The following MICU1 variants were observed in gnomAD, a reference collection of about 807,000 sequenced individuals.
MICU1 encodes calcium uptake protein 1, mitochondrial.
MICU1 carries 45 observed loss-of-function variants against 56.8 expected under a neutral mutation model. The ratio of observed to expected loss-of-function variants is 0.79; its 90% CI spans 0.62 to 1.02. The LOEUF (loss-of-function observed/expected upper bound fraction) is 1.02, where lower values mean the gene tolerates loss of function less well. Among genes scored for constraint, MICU1 ranks in the 50% least tolerant of loss-of-function variants. The pLI, the probability that MICU1 is intolerant of heterozygous loss-of-function variation, is 0.00. For missense variants in MICU1, 504 were observed against 587.1 expected, an observed-to-expected ratio of 0.86 and a Z score of 1.46; for synonymous variants, 186 against 195.1, an observed-to-expected ratio of 0.95 and a Z score of 0.39.
chr10:72,537,705 C>T (rs1208398744), intron 4 of MICU1, among the ~76,000 whole-genome samples: 1 of 142,910 alleles, frequency 7.0e-6, no homozygotes, highest in Non-Finnish European at 1.6e-5. Context: ...TGCCTCTTTT[C>T]TTGAATCCAC....
intron 4 of MICU1, among the ~76,000 whole-genome samples, chr10:72,540,267 CAAA>C (rs11287541): frequency 5.9e-5 from 5 of 85,448 alleles, no homozygotes; most frequent in Admixed American, 2.6e-4. Flanking sequence ...AACTCCATCT[CAAA>C]AAAAAAAAAA....
intron 8 of MICU1, among the ~76,000 whole-genome samples, chr10:72,427,692 G>A (rs1406746913): frequency 6.7e-6 from 1 of 149,892 alleles, no homozygotes; most frequent in Non-Finnish European, 1.5e-5. Context: ...TTGAGCCCAG[G>A]AGTTCAAGAC....
intron 8 of MICU1, among the ~76,000 whole-genome samples, chr10:72,471,493 G>A (rs769425524): frequency 3.9e-5 from 6 of 152,202 alleles, no homozygotes; most frequent in Non-Finnish European, 7.3e-5. Flanking sequence ...AGGAACAAGT[G>A]TTGGTTTAGA....
intron 9 of MICU1, among the ~76,000 whole-genome samples, chr10:72,419,495 C>T (rs1354119694): frequency 1.3e-5 from 2 of 152,220 alleles, no homozygotes; most frequent in African/African-American, 4.8e-5. Flanking sequence ...TTGCAGCCCA[C>T]AGCCTGGTTC....
At chr10:72,515,716 A>G (rs1016661105) in intron 5 of MICU1, among the ~76,000 whole-genome samples, 3 of 152,234 alleles carry the variant, frequency 2.0e-5, no homozygotes, top group African/African-American at 7.2e-5. Flanking sequence ...TGTCATCTAG[A>G]GTCCAACATT....
chr10:72,435,880 G>A (rs868846940), intron 8 of MICU1, among the ~76,000 whole-genome samples: 3 of 152,264 alleles, frequency 2.0e-5, no homozygotes, highest in African/African-American at 4.8e-5. Context: ...TAAACAAAGC[G>A]GTCGGGAAGC....
intron 9 of MICU1, among the ~76,000 whole-genome samples, chr10:72,418,198 G>A (rs997579542): frequency 6.6e-6 from 1 of 152,146 alleles, no homozygotes; most frequent in African/African-American, 2.4e-5. Flanking sequence ...AATTCAACAT[G>A]AGATCTGGGT....
intron 9 of MICU1, among the ~76,000 whole-genome samples, chr10:72,414,877 A>G (rs1863932243): frequency 6.6e-6 from 1 of 152,154 alleles, no homozygotes; most frequent in African/African-American, 2.4e-5. Flanking sequence ...CAGTCACAGC[A>G]AATCCGTCTA....
At chr10:72,573,071 AT>A (rs1840649967) in intron 1 of MICU1, among the ~76,000 whole-genome samples, 3 of 152,096 alleles carry the variant, frequency 2.0e-5, no homozygotes, top group Admixed American at 6.6e-5. Flanking sequence ...ACCAAGAGAG[AT>A]TGGTTAAAGT....
intron 11 of MICU1, among the ~76,000 whole-genome samples, chr10:72,375,555 A>G (rs1862488733): frequency 6.6e-6 from 1 of 152,240 alleles, no homozygotes; most frequent in Admixed American, 6.5e-5. Context: ...TTAGGCCTAT[A>G]GGCATATTGG....
intron 9 of MICU1, among the ~76,000 whole-genome samples, chr10:72,421,013 A>AT (rs1554865328): frequency 3.9e-4 from 52 of 135,042 alleles, no homozygotes; most frequent in African/African-American, 1.0e-3. Flanking sequence ...AAAAAAAAAA[A>AT]AAAAATAATA....
intron 8 of MICU1, chr10:72,473,270 G>C (rs1866003980): frequency 6.7e-6 from 1 of 148,776 alleles, no homozygotes; most frequent in Non-Finnish European, 1.5e-5. Flanking sequence ...TGGTCATAGT[G>C]GTGGTGGGTT....
chr10:72,591,702 T>C (rs918229407), intron 1 of MICU1, among the ~76,000 whole-genome samples: 2 of 152,076 alleles, frequency 1.3e-5, no homozygotes, highest in African/African-American at 4.8e-5. Flanking sequence ...GGGTCTCTAA[T>C]TAGTAGATTA....
At chr10:72,508,972 C>T (rs1052206367) in intron 5 of MICU1, among the ~76,000 whole-genome samples, 1 of 152,124 alleles carries the variant, frequency 6.6e-6, no homozygotes, top group African/African-American at 2.4e-5. Context: ...ATATATTTCT[C>T]TTCTTTAATC....
At position 72,508,169 on chromosome 10, in the gene MICU1, G is replaced by A. The variant is rs1299219555; in HGVS notation, c.638C>T (p.Thr213Ile). Residue 213 changes from threonine (T) to isoleucine (I), a missense_variant, in exon 6 of 12, where the codon ACA becomes ATA. By Grantham distance (89) the Thr-to-Ile change is moderately conservative. Coordinates refer to ENST00000361114, the MANE Select transcript of MICU1 (RefSeq NM_001195518.2). ...TTTATACTTACTGGAAAGAACAGTT[G>A]TGAGGAAAATGTAGTCTGAAAAGGA... Reference protein sequence around the residue: ...LISFSDYIFLTTVLSTPQRNF... With the variant: ...LISFSDYIFLITVLSTPQRNF... The A allele has an allele frequency of 3.9e-6, 6 of 1,521,066 alleles. No homozygotes were observed. In the African/African-American group the frequency reaches 8.1e-5, roughly 21 times the overall value. 94.2% of individuals were successfully genotyped at this position (1,521,066 alleles called of 1,614,324 possible).
intron 1 of MICU1, among the ~76,000 whole-genome samples, chr10:72,569,237 A>ATATATATTT: frequency 1.2e-4 from 4 of 34,378 alleles, no homozygotes; most frequent in East Asian, 6.9e-4. Context: ...ATATATATAT[A>ATATATATTT]TTTTTTTTTT....
chr10:72,509,269 T>C (rs1867361872), intron 5 of MICU1: 1 of 689,292 alleles, frequency 1.5e-6, no homozygotes, highest in African/African-American at 1.9e-5. Flanking sequence ...ACAATCAAAG[T>C]AATAATGTCA....
In MICU1 at chr10:72,368,190, TG is replaced by T. The variant is rs748711732; in HGVS notation, c.*4del. 4.3e-6 allele frequency: 7 copies of T among 1,609,826 alleles called. No individual in the cohort carries two copies. In the Admixed American group the frequency reaches 8.4e-5, roughly 19 times the overall value. On this transcript the variant is annotated 3_prime_UTR_variant, in exon 12 of 12. Transcript: ENST00000361114. ...GGTGGAGGGGTCCCCTCTTGCAGTG[TG>T]GGGTTACTGTTTGGGTAAAGCGAAG...
Position 72,566,615 on chromosome 10 carries a change from T to C in MICU1, c.161+18A>G, listed in dbSNP as rs1332102361. On this transcript the variant is annotated intron_variant, in intron 2 of 11. Coordinates refer to ENST00000361114, the MANE Select transcript of MICU1 (RefSeq NM_001195518.2). ...AATAAAAGTATACGCAAGAACAAGA[T>C]GGTTGGATAACACTCACCTCTTCCA... 2.5e-6 allele frequency: 4 copies of C among 1,605,802 alleles called. No homozygotes were observed. Among genetic ancestry groups the C allele is most frequent in the Admixed American group, 1.7e-5 (1 of 58,458 alleles).
Sources: gnomAD v4.1 joint callset for allele counts (sites outside exome capture counted in the v4.1 genomes callset) on GRCh38, gnomAD v4.1.1 for gene constraint, MANE v1.5 for transcripts, NCBI Gene and HGNC (gene_info 2026-07-23, HGNC 2026-07-21) for gene names.